Variants in DCAF6 observed in about 807,000 individuals in gnomAD.
DCAF6 encodes the protein DDB1 and CUL4 associated factor 6, also known as DDB1- and CUL4-associated factor 6.
In DCAF6, 54 loss-of-function variants were observed where a neutral mutation model predicts 125.1. That is an observed-to-expected ratio of 0.43 (90% CI 0.35 to 0.54). The LOEUF is 0.54. Ranked by LOEUF, DCAF6 falls within the 20% of genes least tolerant of loss-of-function variation. The probability of loss-of-function intolerance (pLI) is 0.01; values close to 1 mark genes in which losing one functional copy is unlikely to be tolerated. For synonymous variants in DCAF6, 371 were observed against 390.4 expected, an observed-to-expected ratio of 0.95 and a Z score of 0.58; for missense variants, 934 against 1,161.7, an observed-to-expected ratio of 0.80 and a Z score of 2.85.
intron 7 of DCAF6, among the ~76,000 whole-genome samples, chr1:167,993,678 G>A (rs1445510936): frequency 1.3e-5 from 2 of 152,130 alleles, no homozygotes; most frequent in Non-Finnish European, 2.9e-5. Flanking sequence ...GAACCCGGGA[G>A]GCGGAGGTTG....
chr1:167,887,755 T>A, the DCAF6 span, among the ~76,000 whole-genome samples: 311 of 151,746 alleles, frequency 2.0e-3, 1 homozygote, highest in African/African-American at 7.3e-3. Context: ...ATGAAACTAA[T>A]TTTTTATCTG....
At chr1:167,989,654 G>A (rs1465212904) in intron 5 of DCAF6, among the ~76,000 whole-genome samples, 1 of 152,074 alleles carries the variant, frequency 6.6e-6, no homozygotes, top group African/African-American at 2.4e-5. Context: ...AGGCTGAGGC[G>A]GGCAGATCAC....
At chr1:167,887,006 A>C in the DCAF6 span, among the ~76,000 whole-genome samples, 1 of 152,240 alleles carries the variant, frequency 6.6e-6, no homozygotes, top group East Asian at 1.9e-4. Flanking sequence ...ATACCATCTC[A>C]CACCAGTTAG....
intron 1 of DCAF6, among the ~76,000 whole-genome samples, chr1:167,938,463 C>G (rs6657523): frequency 0.018 from 2,796 of 152,234 alleles, 78 homozygotes; most frequent in African/African-American, 0.064. Flanking sequence ...TAGACGTTCG[C>G]CCTTACAGCA....
intron 3 of DCAF6, among the ~76,000 whole-genome samples, chr1:167,972,075 C>T (rs148254205): frequency 0.019 from 2,851 of 152,220 alleles, 77 homozygotes; most frequent in African/African-American, 0.065. Flanking sequence ...AGGCTGGTCT[C>T]GAACTCCTGA....
At position 167,991,254 on chromosome 1, in the gene DCAF6, A is replaced by G; in HGVS notation, c.603A>G (p.Pro201=). The G allele has an allele frequency of 6.2e-7, 1 of 1,613,222 alleles. No homozygotes were observed. The highest frequency in any genetic ancestry group is 8.5e-7 in the Non-Finnish European group (1 of 1,179,850). Residue 201 remains proline, a synonymous_variant, in exon 6 of 22, where the codon CCA becomes CCG. Coordinates refer to ENST00000367840, the MANE Select transcript of DCAF6 (RefSeq NM_001198956.2). The stretch of plus-strand genomic sequence containing the variant: ...CTGCCACGTCTGTTGCTATTTGCCC[A>G]CCAATACCATATTACCTTGCTGTTG... ...RRAATSVAIC[P]PIPYYLAVGC...
chr1:167,898,671 G>A, the DCAF6 span, among the ~76,000 whole-genome samples: 1 of 152,098 alleles, frequency 6.6e-6, no homozygotes, highest in South Asian at 2.1e-4. Context: ...GGCCATGCAG[G>A]CTGGATATGT....
At chr1:167,880,287 G>T in the DCAF6 span, 2 of 1,193,532 alleles carry the variant, frequency 1.7e-6, no homozygotes, top group South Asian at 1.3e-5. Context: ...GGTTGGGAAA[G>T]GGTGGGAAAG....
chr1:167,904,930 A>T, the DCAF6 span: 1 of 1,611,498 alleles, frequency 6.2e-7, no homozygotes, highest in South Asian at 1.1e-5. Flanking sequence ...CAAGCTCTGC[A>T]TGTGAATTCC....
upstream of DCAF6, chr1:167,936,326 C>T (rs1024680938): frequency 2.8e-5 from 5 of 181,092 alleles, no homozygotes; most frequent in South Asian, 2.2e-4. Context: ...TAAGCAGGCC[C>T]GTAGTTAAAA....
At chr1:168,012,938 T>G (rs1412939689) in intron 10 of DCAF6, among the ~76,000 whole-genome samples, 1 of 152,214 alleles carries the variant, frequency 6.6e-6, no homozygotes, top group Non-Finnish European at 1.5e-5. Flanking sequence ...TGGAGATTTA[T>G]GTCTTCATAA....
chr1:168,039,345 A>T (rs890806998), intron 13 of DCAF6, among the ~76,000 whole-genome samples: 4 of 151,480 alleles, frequency 2.6e-5, no homozygotes, highest in Admixed American at 1.3e-4. Flanking sequence ...TATTTAATTG[A>T]TTATTAGTAA....
chr1:167,927,817 T>C, the DCAF6 span, among the ~76,000 whole-genome samples: 4 of 152,186 alleles, frequency 2.6e-5, no homozygotes, highest in Non-Finnish European at 5.9e-5. Flanking sequence ...AAACATCAAA[T>C]TATGGTTGCT....
At chr1:167,900,676 G>C in the DCAF6 span, among the ~76,000 whole-genome samples, 2 of 152,058 alleles carry the variant, frequency 1.3e-5, no homozygotes, top group African/African-American at 4.8e-5. Flanking sequence ...GAGATTACAG[G>C]CACCCGCCAT....
At position 168,022,983 on chromosome 1, in the gene DCAF6, T is replaced by C. The variant is rs761009992; in HGVS notation, c.1550-5T>C. The C allele has an allele frequency of 6.2e-7, 1 of 1,614,060 alleles. No homozygotes were observed. Among genetic ancestry groups the C allele is most frequent in the South Asian group, 1.1e-5 (1 of 91,056 alleles). ...TTTTAAGTTGAAATCTCATTTTTGT[T>C]TCAGATTCTCCTTCTTCTGTGGTTA... On this transcript the variant is annotated splice_polypyrimidine_tract_variant and splice_region_variant and intron_variant, in intron 11 of 21. Coordinates refer to ENST00000367840, the MANE Select transcript of DCAF6 (RefSeq NM_001198956.2).
the DCAF6 span, among the ~76,000 whole-genome samples, chr1:167,872,907 T>C: frequency 2.0e-5 from 3 of 151,348 alleles, no homozygotes; most frequent in Non-Finnish European, 4.4e-5. Context: ...CCGTCTCTAC[T>C]AAAAATACAA....
At chr1:167,952,010 A>T in intron 2 of DCAF6, 149 bp downstream of exon 2, 2 of 533,204 alleles carry the variant, frequency 3.8e-6, no homozygotes, top group South Asian at 6.2e-5. Flanking sequence ...TTATATTTTG[A>T]ATCTAGAAGA....
Position 168,045,258 on chromosome 1 carries a change from A to C in DCAF6, c.2258+31A>C, listed in dbSNP as rs878921124. 3 of 1,535,246 alleles carry C rather than the reference A, an allele frequency of 2.0e-6. No individual in the cohort carries two copies. In the Admixed American group the frequency reaches 6.4e-5, roughly 33 times the overall value. On this transcript the variant is annotated intron_variant, in intron 16 of 21. Coordinates refer to ENST00000367840, the MANE Select transcript of DCAF6 (RefSeq NM_001198956.2). ...TAAATTTTTAATTAACATGAACTGT[A>C]AAAAATGTATTTCACAAGGATTTGT...
At chr1:167,935,162 A>G (rs577845707), upstream of DCAF6, among the ~76,000 whole-genome samples, 7 of 152,306 alleles carry the variant, frequency 4.6e-5, no homozygotes, top group African/African-American at 1.4e-4. Context: ...CTTGTTCAAC[A>G]ATTTCATAAA....
Sources: gnomAD v4.1 joint callset for allele counts (sites outside exome capture counted in the v4.1 genomes callset) on GRCh38, gnomAD v4.1.1 for gene constraint, MANE v1.5 for transcripts, NCBI Gene and HGNC (gene_info 2026-07-23, HGNC 2026-07-21) for gene names.